Variants in TRPC4 observed in about 807,000 individuals in gnomAD.
TRPC4 encodes the protein short transient receptor potential channel 4.
Under a neutral mutation model 99.4 loss-of-function variants are expected in TRPC4, and 49 were observed. That is an observed-to-expected ratio of 0.49 (90% CI 0.39 to 0.63). The LOEUF (loss-of-function observed/expected upper bound fraction) is 0.63, where lower values mean the gene tolerates loss of function less well. TRPC4 is among the 20% of genes least tolerant of loss of function. TRPC4 has a pLI of 0.00. For missense variants in TRPC4, 898 were observed against 1,152.9 expected (o/e 0.78, Z 3.20); for synonymous variants, 454 against 425.9 (o/e 1.07, Z -0.81).
intron 7 of TRPC4, among the ~76,000 whole-genome samples, chr13:37,653,493 A>G (rs1486413318): frequency 1.4e-4 from 22 of 151,988 alleles, no homozygotes. Context: ...AAATTCTGCT[A>G]TTCTGGGACA....
intron 5 of TRPC4, among the ~76,000 whole-genome samples, chr13:37,672,965 C>G (rs1177579788): frequency 6.6e-6 from 1 of 151,984 alleles, no homozygotes; most frequent in Non-Finnish European, 1.5e-5. Context: ...TATTATTATA[C>G]TTTAAGTTCT....
chr13:37,718,942 A>G (rs1458495172), intron 3 of TRPC4, among the ~76,000 whole-genome samples: 1 of 152,184 alleles, frequency 6.6e-6, no homozygotes, highest in Non-Finnish European at 1.5e-5. Flanking sequence ...AACCTCAAAC[A>G]GAATAACAAT....
rs190396093 is a variant in TRPC4 at position 37,714,276 on chromosome 13, G to C, written c.898-21941C>G. ...TGAGCGGCTGGGACTACAGTCATGT[G>C]CCACCATGCCCGGCTAATTTTTGTA... On this transcript the variant is annotated intron_variant, in intron 3 of 10. Coordinates refer to ENST00000379705, the MANE Select transcript of TRPC4 (RefSeq NM_016179.4). Among the ~76,000 whole-genome samples the C allele has an allele frequency of 3.1e-3, 465 of 152,052 alleles. 3 individuals carry two copies. Among genetic ancestry groups the C allele is most frequent in the African/African-American group, 0.011 (453 of 41,468 alleles).
intron 3 of TRPC4, among the ~76,000 whole-genome samples, chr13:37,722,722 T>C (rs1311562428): frequency 6.6e-6 from 1 of 152,180 alleles, no homozygotes; most frequent in African/African-American, 2.4e-5. Flanking sequence ...ATACATTAAT[T>C]AAGATCAAGT....
Position 37,809,872 on chromosome 13 carries a change from C to T in TRPC4, c.-27-26512G>A, listed in dbSNP as rs147943748. Among the ~76,000 whole-genome samples the T allele has an allele frequency of 7.9e-5, 12 of 152,070 alleles. No homozygotes were observed. The East Asian group carries it at 1.9e-3, about 25-fold the overall frequency. ...TTCACCCTGGTATATCAGATTCAGG[C>T]CTTTCGTTCTAAACCTTCCAGCCCT... is the stretch of plus-strand genomic sequence containing the variant. On this transcript the variant is annotated intron_variant, in intron 1 of 10. Transcript: ENST00000379705.
intron 3 of TRPC4, among the ~76,000 whole-genome samples, chr13:37,696,135 G>A (rs1953896047): frequency 1.3e-5 from 2 of 152,186 alleles, no homozygotes; most frequent in South Asian, 4.1e-4. Flanking sequence ...GCAGACAAAA[G>A]AAGAGCGCTT....
At chr13:37,795,228 A>C (rs563190693) in intron 1 of TRPC4, among the ~76,000 whole-genome samples, 1 of 152,162 alleles carries the variant, frequency 6.6e-6, no homozygotes, top group East Asian at 1.9e-4. Flanking sequence ...TTGTTCTGGC[A>C]TATTCTGTGT....
At chr13:37,669,207 G>T (rs1272716169) in intron 5 of TRPC4, among the ~76,000 whole-genome samples, 1 of 152,014 alleles carries the variant, frequency 6.6e-6, no homozygotes, top group Non-Finnish European at 1.5e-5. Context: ...AAATTACACA[G>T]CGAAAAAGGA....
At chr13:37,770,850 C>T (rs1361780599) in intron 2 of TRPC4, among the ~76,000 whole-genome samples, 5 of 151,582 alleles carry the variant, frequency 3.3e-5, no homozygotes, top group Non-Finnish European at 5.9e-5. Context: ...GGACTATCCG[C>T]CTAATATGAC....
chr13:37,764,813 CTTTTTT>C (rs71096806), intron 2 of TRPC4, among the ~76,000 whole-genome samples: 1 of 129,380 alleles, frequency 7.7e-6, no homozygotes, highest in African/African-American at 2.9e-5. Context: ...TTATCAAATG[CTTTTTT>C]TTTTTTTTTG....
chr13:37,706,979 C>A (rs1259308701), intron 3 of TRPC4, among the ~76,000 whole-genome samples: 1 of 151,980 alleles, frequency 6.6e-6, no homozygotes, highest in Non-Finnish European at 1.5e-5. Flanking sequence ...CCTCACCTTG[C>A]TTTTCTTGTG....
At chr13:37,701,567 G>T (rs1954101685) in intron 3 of TRPC4, among the ~76,000 whole-genome samples, 1 of 151,854 alleles carries the variant, frequency 6.6e-6, no homozygotes, top group African/African-American at 2.4e-5. Flanking sequence ...TTCCCATCCT[G>T]GTCTCTGTGG....
chr13:37,674,067 T>C (rs1200738664), intron 5 of TRPC4, among the ~76,000 whole-genome samples, 161 bp downstream of exon 5: 3 of 152,172 alleles, frequency 2.0e-5, no homozygotes, highest in Non-Finnish European at 4.4e-5. Flanking sequence ...CATTTATTTA[T>C]GTATTTTTAT....
In TRPC4 at chr13:37,637,104, A is replaced by G. The variant is rs373016207; in HGVS notation, c.2733T>C (p.His911=). The change falls in exon 11 of 11, where the codon CAT becomes CAC. Residue 911 remains histidine, a synonymous_variant. Coordinates refer to ENST00000379705, the MANE Select transcript of TRPC4 (RefSeq NM_016179.4). ...CCAGTGTGTCCGTATTCCTTTCTCT[A>G]TGGTCTACTAACACACATTGTTCAC... ...GLSEQCVLVD[H]RERNTDTLGL... 8.1e-6 allele frequency: 13 copies of G among 1,613,474 alleles called. No homozygotes were observed. The highest frequency in any genetic ancestry group is 5.3e-5 in the African/African-American group (4 of 74,806).
chr13:37,744,206 T>C (rs930827424), intron 3 of TRPC4, among the ~76,000 whole-genome samples: 36 of 152,228 alleles, frequency 2.4e-4, no homozygotes, highest in African/African-American at 8.4e-4. Flanking sequence ...ACTGTGCTAA[T>C]ATGGATCTTT....
Position 37,783,323 on chromosome 13 carries a change from A to T in TRPC4, c.11T>A (p.Phe4Tyr). 6.4e-7 allele frequency: 1 copy of T among 1,567,522 alleles called. No individual in the cohort carries two copies. The highest frequency in any genetic ancestry group is 8.6e-7 in the Non-Finnish European group (1 of 1,159,048). ...AGCATTAACATTTCTTTTGTAATAG[A>T]ACTGAGCCATGTTTCATGCCATGCT... is the stretch of plus-strand genomic sequence containing the variant. MAQ[F>Y]YYKRNVNAPY... The change falls in exon 2 of 11, where the codon TTC (phenylalanine) becomes TAC (tyrosine). Residue 4 changes from phenylalanine (F) to tyrosine (Y), a missense_variant. Physicochemically the swap from Phe to Tyr is conservative, Grantham distance 22. Around this residue, in one of 3 missense-constraint regions of TRPC4, gnomAD observed 278 missense variants for 346.6 expected, o/e 0.80. Coordinates refer to ENST00000379705, the MANE Select transcript of TRPC4 (RefSeq NM_016179.4).
chr13:37,726,260 A>G (rs1228257007), intron 3 of TRPC4, among the ~76,000 whole-genome samples: 1 of 152,104 alleles, frequency 6.6e-6, no homozygotes, highest in East Asian at 1.9e-4. Flanking sequence ...TGTTTTCTAC[A>G]TAATTTAAGA....
chr13:37,801,661 G>A (rs1957405067), intron 1 of TRPC4, among the ~76,000 whole-genome samples: 1 of 152,006 alleles, frequency 6.6e-6, no homozygotes, highest in Non-Finnish European at 1.5e-5. Context: ...CACTAAGTGG[G>A]TATTACGAAT....
At chr13:37,819,732 A>G (rs1023684835) in intron 1 of TRPC4, among the ~76,000 whole-genome samples, 4 of 151,912 alleles carry the variant, frequency 2.6e-5, no homozygotes, top group Non-Finnish European at 5.9e-5. Flanking sequence ...TAGGCTTAAT[A>G]CTTGGGTGAC....
Sources: allele counts gnomAD v4.1 joint callset (sites outside exome capture counted in the v4.1 genomes callset), GRCh38; gene constraint gnomAD v4.1.1; regional missense constraint gnomAD v4.1.1; transcripts MANE v1.5; gene names NCBI Gene and HGNC (gene_info 2026-07-23, HGNC 2026-07-21).